The following TMEM132C variants were observed in gnomAD, a reference collection of about 807,000 sequenced individuals.
The protein encoded by TMEM132C is transmembrane protein 132C.
Under a neutral mutation model 61.4 loss-of-function variants are expected in TMEM132C, and 29 were observed. The observed-to-expected ratio is 0.47, with a 90% confidence interval of 0.35 to 0.64. The LOEUF (loss-of-function observed/expected upper bound fraction) is 0.64. Among genes scored for constraint, TMEM132C ranks in the 30% least tolerant of loss-of-function variants. TMEM132C has a pLI of 0.00. For missense variants in TMEM132C, 1,408 were observed against 1,476.9 expected, an observed-to-expected ratio of 0.95 and a Z score of 0.76; for synonymous variants, 656 against 633.1, an observed-to-expected ratio of 1.04 and a Z score of -0.54.
At chr12:128,287,738 A>G (rs866296877) in intron 1 of TMEM132C, among the ~76,000 whole-genome samples, 1 of 152,204 alleles carries the variant, frequency 6.6e-6, no homozygotes, top group Non-Finnish European at 1.5e-5. Context: ...ATTTAAAGCC[A>G]AAGAAAACTG....
intron 3 of TMEM132C, among the ~76,000 whole-genome samples, chr12:128,614,490 A>G (rs548093111): frequency 2.0e-5 from 3 of 152,226 alleles, no homozygotes; most frequent in Non-Finnish European, 2.9e-5. Context: ...GAGACTTGTG[A>G]TGTCATATTT....
intron 3 of TMEM132C, among the ~76,000 whole-genome samples, chr12:128,614,159 A>C (rs754676693): frequency 6.6e-6 from 1 of 152,170 alleles, no homozygotes; most frequent in Admixed American, 6.5e-5. Flanking sequence ...TAGCGGTTCT[A>C]TTGATCAACA....
At chr12:128,619,229 C>G (rs1046415468) in intron 4 of TMEM132C, among the ~76,000 whole-genome samples, 3 of 152,206 alleles carry the variant, frequency 2.0e-5, no homozygotes, top group Non-Finnish European at 4.4e-5. Flanking sequence ...AAACAAACTT[C>G]AGAAAGGTGA....
chr12:128,584,659 C>G (rs550648071), intron 3 of TMEM132C, among the ~76,000 whole-genome samples: 1 of 152,332 alleles, frequency 6.6e-6, no homozygotes, highest in South Asian at 2.1e-4. Context: ...TTTGGTGAGA[C>G]CCAGCAGGTG....
intron 3 of TMEM132C, among the ~76,000 whole-genome samples, chr12:128,569,604 C>G (rs1264979337): frequency 6.6e-6 from 1 of 152,296 alleles, no homozygotes; most frequent in South Asian, 2.1e-4. Context: ...ATACCATCAG[C>G]TTTTTATTAA....
chr12:128,567,429 GACACACACACACACACAC>G (rs140541188), intron 3 of TMEM132C, among the ~76,000 whole-genome samples: 26 of 136,332 alleles, frequency 1.9e-4, no homozygotes, highest in Middle Eastern at 3.8e-3. Context: ...CATACCCATA[GACACACACACACACACAC>G]ACACACACAC....
chr12:128,589,226 C>T (rs190864282), intron 3 of TMEM132C, among the ~76,000 whole-genome samples: 1 of 152,198 alleles, frequency 6.6e-6, no homozygotes, highest in East Asian at 1.9e-4. Context: ...AAGGAACAAG[C>T]GTTAGTGCAG....
chr12:128,375,766 G>A (rs1874173682), intron 1 of TMEM132C, among the ~76,000 whole-genome samples: 1 of 152,184 alleles, frequency 6.6e-6, no homozygotes, highest in Non-Finnish European at 1.5e-5. Context: ...AGGGAAGTGT[G>A]GGAATGAGGC....
intron 3 of TMEM132C, among the ~76,000 whole-genome samples, chr12:128,546,363 A>T (rs940652645): frequency 6.6e-6 from 1 of 152,240 alleles, no homozygotes; most frequent in Admixed American, 6.5e-5. Context: ...GTTCATTAGC[A>T]GGTGGCAAAG....
chr12:128,278,637 T>C lies in TMEM132C; in HGVS notation c.85+11150T>C, dbSNP rs1425136108. 1.3e-5 allele frequency among the ~76,000 whole-genome samples: 2 copies of C among 152,136 alleles called. No individual in the cohort carries two copies. Among genetic ancestry groups the C allele is most frequent in the Admixed American group, 1.3e-4 (2 of 15,274 alleles). On this transcript the variant is annotated intron_variant, in intron 1 of 8. Coordinates refer to ENST00000435159, the MANE Select transcript of TMEM132C (RefSeq NM_001136103.3). This position sits in a 1 kb window ranked among gnomAD's most constrained non-coding sequence, Gnocchi z 4.2. ...CACAGAGGCAAGAAGCCTACAAACA[T>C]CAGCTTTTTACTAAACCCCGGTGGT...
At chr12:128,579,246 C>T (rs965964110) in intron 3 of TMEM132C, among the ~76,000 whole-genome samples, 1 of 152,240 alleles carries the variant, frequency 6.6e-6, no homozygotes, top group Non-Finnish European at 1.5e-5. Flanking sequence ...GCTCTGCCCT[C>T]CCTACATATC....
intron 3 of TMEM132C, among the ~76,000 whole-genome samples, chr12:128,561,538 AATT>A (rs2136164015): frequency 6.6e-6 from 1 of 152,312 alleles, no homozygotes; most frequent in African/African-American, 2.4e-5. Context: ...TCAGTCAAAT[AATT>A]ATTAAGTGCC....
chr12:128,422,158 C>T (rs1223858314), intron 2 of TMEM132C, among the ~76,000 whole-genome samples: 1 of 152,156 alleles, frequency 6.6e-6, no homozygotes, highest in Non-Finnish European at 1.5e-5. Context: ...TTCCCACTGC[C>T]ACCTCAGTGT....
intron 5 of TMEM132C, among the ~76,000 whole-genome samples, chr12:128,685,876 C>T (rs1284338621): frequency 6.6e-6 from 1 of 152,146 alleles, no homozygotes; most frequent in Non-Finnish European, 1.5e-5. Context: ...ATAGTGCCCT[C>T]CTGTGTTTAT....
At chr12:128,342,492 G>T (rs562851116) in intron 1 of TMEM132C, among the ~76,000 whole-genome samples, 1 of 152,306 alleles carries the variant, frequency 6.6e-6, no homozygotes, top group East Asian at 1.9e-4. Context: ...CAGAAGAAAG[G>T]AGCTGAGACA....
At chr12:128,633,498 T>C (rs1050216449) in intron 4 of TMEM132C, among the ~76,000 whole-genome samples, 17 of 152,214 alleles carry the variant, frequency 1.1e-4, no homozygotes, top group Admixed American at 6.5e-4. Context: ...TGTGTCATCT[T>C]GAGTTTCAAA....
In TMEM132C at chr12:128,326,632, G is replaced by A. The variant is rs532975022; in HGVS notation, c.85+59145G>A. ...TCCTGCAAAGCCCCAGGATTACAGC[G>A]TGGGTAATTAGACTGTCACTCTCGA... On this transcript the variant is annotated intron_variant, in intron 1 of 8. Coordinates refer to ENST00000435159, the MANE Select transcript of TMEM132C (RefSeq NM_001136103.3). The surrounding 1 kb of genome is among the most constrained non-coding windows in gnomAD (Gnocchi z 5.6). Among the ~76,000 whole-genome samples, 5 of 152,268 alleles carry A rather than the reference G, an allele frequency of 3.3e-5. No individual in the cohort carries two copies. Among genetic ancestry groups the A allele is most frequent in the African/African-American group, 1.2e-4 (5 of 41,562 alleles).
chr12:128,669,271 C>T, intron 4 of TMEM132C, 146 bp from the exon 5 acceptor site: 1 of 817,566 alleles, frequency 1.2e-6, no homozygotes, highest in Non-Finnish European at 1.8e-6. Flanking sequence ...ATTCCAAGTC[C>T]TGGTACAGTA....
chr12:128,665,144 T>C (rs1954444715), intron 4 of TMEM132C, among the ~76,000 whole-genome samples: 1 of 137,390 alleles, frequency 7.3e-6, no homozygotes, highest in African/African-American at 2.8e-5. Context: ...CATGTACCCA[T>C]ATGCACACAC....
Sources: allele counts gnomAD v4.1 joint callset (sites outside exome capture counted in the v4.1 genomes callset), GRCh38; gene constraint gnomAD v4.1.1; non-coding constraint Gnocchi (gnomAD v3.1); transcripts MANE v1.5; gene names NCBI Gene and HGNC (gene_info 2026-07-23, HGNC 2026-07-21).